The following USH2A variants were observed in gnomAD, a reference collection of about 807,000 sequenced individuals.
USH2A encodes usherin, also known as Usher syndrome 2A (autosomal recessive, mild).
USH2A carries 443 observed loss-of-function variants against 538.9 expected under a neutral mutation model. The ratio of observed to expected loss-of-function variants is 0.82; its 90% CI spans 0.76 to 0.89. The LOEUF (loss-of-function observed/expected upper bound fraction) is 0.89, where lower values mean the gene tolerates loss of function less well. Among genes scored for constraint, USH2A ranks in the 40% least tolerant of loss-of-function variants. USH2A has a pLI of 0.00. For missense variants in USH2A, 6,633 were observed against 6,324.8 expected (o/e 1.05, Z -1.65); for synonymous variants, 2,413 against 2,273.5 (o/e 1.06, Z -1.75).
In USH2A at chr1:216,165,399, T is replaced by C. The variant is rs78523474; in HGVS notation, c.4627+9853A>G. ...GAAAACAATTTCTGATATAACACTC[T>C]AGCTATAACAACTGGTGTACAAGTA... On this transcript the variant is annotated intron_variant, in intron 21 of 71. Coordinates refer to ENST00000307340, the MANE Select transcript of USH2A (RefSeq NM_206933.4). 9.2e-3 allele frequency among the ~76,000 whole-genome samples: 1,397 copies of C among 152,260 alleles called. 22 individuals are homozygous for C. The highest frequency in any genetic ancestry group is 0.03 in the African/African-American group (1,250 of 41,554).
At chr1:216,249,713 T>A (rs1162297123) in intron 12 of USH2A, among the ~76,000 whole-genome samples, 1 of 152,176 alleles carries the variant, frequency 6.6e-6, no homozygotes, top group Non-Finnish European at 1.5e-5. Flanking sequence ...TACATTCTCT[T>A]TATTAAATTG....
chr1:215,741,258 A>C lies in USH2A; in HGVS notation c.11711+117T>G, dbSNP rs987602567. The C allele has an allele frequency of 8.5e-6, 11 of 1,291,348 alleles. No individual in the cohort carries two copies. In the East Asian group the frequency reaches 9.6e-5, roughly 11 times the overall value. 80.0% of individuals were successfully genotyped at this position (1,291,348 alleles called of 1,614,324 possible). A position where few individuals can be genotyped will look rare whatever the true frequency, so the allele number is the denominator to read the frequency against. ...AACATACAAAACAAAACAAAAAAAA[A>C]CACAACATGAATTCCCATTCATTCT... On this transcript the variant is annotated intron_variant, in intron 60 of 71. Transcript: ENST00000307340.
chr1:215,894,085 T>C (rs558599720), intron 40 of USH2A, among the ~76,000 whole-genome samples: 3 of 152,202 alleles, frequency 2.0e-5, no homozygotes, highest in Non-Finnish European at 4.4e-5. Flanking sequence ...GATACCTGAA[T>C]TACTGTTTGA....
intron 20 of USH2A, among the ~76,000 whole-genome samples, chr1:216,184,498 T>C (rs1287826959): frequency 6.6e-6 from 1 of 151,978 alleles, no homozygotes; most frequent in Admixed American, 6.6e-5. Flanking sequence ...AATTTTTCCT[T>C]TTTAGCATGG....
chr1:215,649,378 C>T (rs754135038), intron 65 of USH2A, among the ~76,000 whole-genome samples: 1 of 152,088 alleles, frequency 6.6e-6, no homozygotes. Flanking sequence ...AAATTTTTAA[C>T]CTCATTGTGG....
intron 44 of USH2A, among the ~76,000 whole-genome samples, chr1:215,857,908 C>A (rs956133804): frequency 6.6e-6 from 1 of 152,152 alleles, no homozygotes; most frequent in Non-Finnish European, 1.5e-5. Flanking sequence ...GACTTCCCAT[C>A]CCACTGTAGC....
chr1:216,051,998 C>T (rs1281180406), intron 30 of USH2A, among the ~76,000 whole-genome samples: 1 of 152,196 alleles, frequency 6.6e-6, no homozygotes, highest in African/African-American at 2.4e-5. Flanking sequence ...CCTGAGTTCA[C>T]AACTCACTAA....
chr1:216,419,541 T>G (rs2039640228), intron 2 of USH2A, among the ~76,000 whole-genome samples: 1 of 152,086 alleles, frequency 6.6e-6, no homozygotes. Context: ...GCACCCTTCT[T>G]CCTGCTCAGG....
chr1:216,048,437 G>C, intron 31 of USH2A, 97 bp downstream of exon 31: 1 of 1,236,260 alleles, frequency 8.1e-7, no homozygotes, highest in Middle Eastern at 1.9e-4. Flanking sequence ...AATTAGGTTG[G>C]GGTTTGCCAG....
Position 216,418,639 on chromosome 1 carries a change from T to G in USH2A, c.526A>C (p.Lys176Gln), listed in dbSNP as rs762050282. 1 of 1,613,280 alleles carries G rather than the reference T, an allele frequency of 6.2e-7. No homozygotes were observed. The change falls in exon 3 of 72, where the codon AAA becomes CAA. Residue 176 changes from lysine to glutamine, a missense_variant. Physicochemically the swap from Lys to Gln is moderately conservative, Grantham distance 53. Transcript: ENST00000307340. ...GTCTCTTTCTCAGATATTGTAAGTT[T>G]GAACACAATCTGCCCATCTACTGTC... is the stretch of plus-strand genomic sequence containing the variant. The part of the protein sequence containing the change: ...EKTVDGQIVF[K>Q]LTISEKETMF...
intron 21 of USH2A, among the ~76,000 whole-genome samples, chr1:216,169,350 G>A (rs965073270): frequency 6.6e-6 from 1 of 152,016 alleles, no homozygotes; most frequent in East Asian, 1.9e-4. Flanking sequence ...AAAAAAGGGA[G>A]ACTTACAGGA....
intron 54 of USH2A, among the ~76,000 whole-genome samples, chr1:215,780,842 T>G (rs1304149541): frequency 1.3e-5 from 2 of 152,352 alleles, no homozygotes; most frequent in East Asian, 1.9e-4. Context: ...AACAAAATGT[T>G]GCATTCTTGC....
intron 11 of USH2A, among the ~76,000 whole-genome samples, chr1:216,275,149 T>TC (rs931666839): frequency 4.0e-5 from 6 of 150,508 alleles, no homozygotes; most frequent in Non-Finnish European, 7.4e-5. Flanking sequence ...TCTCTCTCTC[T>TC]TTTTTTTTGG....
intron 21 of USH2A, among the ~76,000 whole-genome samples, chr1:216,149,814 C>T (rs912181919): frequency 6.6e-5 from 10 of 152,214 alleles, no homozygotes; most frequent in Admixed American, 3.9e-4. Context: ...ATGGACCGGA[C>T]CCTACTTAGT....
At chr1:216,090,556 T>C (rs2032274367) in intron 22 of USH2A, among the ~76,000 whole-genome samples, 1 of 152,164 alleles carries the variant, frequency 6.6e-6, no homozygotes, top group Non-Finnish European at 1.5e-5. Context: ...TGGCAAGTTC[T>C]AGTCTTCGTA....
chr1:216,034,198 A>T (rs948717277), intron 32 of USH2A, among the ~76,000 whole-genome samples: 1 of 152,150 alleles, frequency 6.6e-6, no homozygotes, highest in Admixed American at 6.5e-5. Flanking sequence ...TGAGGAAGAG[A>T]TCACACCAGA....
At chr1:215,992,936 G>C (rs1668035627) in intron 35 of USH2A, 84 bp downstream of exon 35, 1 of 1,579,260 alleles carries the variant, frequency 6.3e-7, no homozygotes, top group African/African-American at 1.4e-5. Context: ...TAAAAATTAA[G>C]CACCACATAT....
intron 21 of USH2A, among the ~76,000 whole-genome samples, chr1:216,099,706 G>T (rs146789839): frequency 1.3e-5 from 2 of 152,140 alleles, no homozygotes. Flanking sequence ...TTGATATGAG[G>T]TGATGGTGTG....
chr1:215,820,928 T>C (rs1235367740), intron 47 of USH2A, among the ~76,000 whole-genome samples: 1 of 151,790 alleles, frequency 6.6e-6, no homozygotes, highest in Non-Finnish European at 1.5e-5. Context: ...GTTAAGTCTT[T>C]TTTATGGCTG....
Sources: allele counts gnomAD v4.1 joint callset (sites outside exome capture counted in the v4.1 genomes callset), GRCh38; gene constraint gnomAD v4.1.1; transcripts MANE v1.5; gene names NCBI Gene and HGNC (gene_info 2026-07-23, HGNC 2026-07-21).